The following INSC variants were observed in gnomAD, a reference collection of about 807,000 sequenced individuals.
The protein encoded by INSC is protein inscuteable homolog.
INSC carries 67 observed loss-of-function variants against 58.6 expected under a neutral mutation model. The ratio of observed to expected loss-of-function variants is 1.14; its 90% CI spans 0.94 to 1.40. The LOEUF is 1.40. Ranked by LOEUF, INSC falls within the 40% of genes most tolerant of loss-of-function variation. INSC has a pLI of 0.00. For missense variants in INSC, 714 were observed against 692.0 expected, an observed-to-expected ratio of 1.03 and a Z score of -0.36; for synonymous variants, 262 against 276.1, an observed-to-expected ratio of 0.95 and a Z score of 0.51.
chr11:15,204,754 G>C (rs545866558), intron 7 of INSC, among the ~76,000 whole-genome samples: 56 of 152,354 alleles, frequency 3.7e-4, no homozygotes, highest in African/African-American at 1.3e-3. Context: ...CAAAGTTCCA[G>C]CCTTCTCCGC....
chr11:15,207,186 G>A (rs1165378247), intron 7 of INSC, among the ~76,000 whole-genome samples: 4 of 152,154 alleles, frequency 2.6e-5, no homozygotes, highest in African/African-American at 2.4e-5. Flanking sequence ...GGAGTGGGGG[G>A]CACTCAAAGC....
intron 5 of INSC, among the ~76,000 whole-genome samples, chr11:15,179,381 C>G (rs1035429362): frequency 6.6e-6 from 1 of 152,182 alleles, no homozygotes; most frequent in Non-Finnish European, 1.5e-5. Context: ...ATTTGCCATT[C>G]TTTTCCCACC....
At chr11:15,164,724 A>T (rs747045694) in intron 2 of INSC, among the ~76,000 whole-genome samples, 2 of 151,960 alleles carry the variant, frequency 1.3e-5, no homozygotes, top group Non-Finnish European at 2.9e-5. Context: ...AGATAATATG[A>T]TATGGTTTGG....
intron 1 of INSC, among the ~76,000 whole-genome samples, chr11:15,141,995 C>G (rs79788871): frequency 0.012 from 1,833 of 152,320 alleles, 50 homozygotes; most frequent in African/African-American, 0.041. Flanking sequence ...GGCTCCCTAT[C>G]ACCAACAGGA....
chr11:15,167,062 T>C (rs1013682954), intron 2 of INSC, among the ~76,000 whole-genome samples: 4 of 152,198 alleles, frequency 2.6e-5, no homozygotes, highest in African/African-American at 9.6e-5. Flanking sequence ...TATTTTTTAT[T>C]TCACTGTGAC....
intron 2 of INSC, among the ~76,000 whole-genome samples, chr11:15,162,376 A>G (rs1222914688): frequency 2.6e-5 from 4 of 152,152 alleles, no homozygotes; most frequent in Admixed American, 2.6e-4. Flanking sequence ...AATGGTCAGT[A>G]CCCATATTTC....
At chr11:15,192,788 C>T (rs1261863143) in intron 6 of INSC, among the ~76,000 whole-genome samples, 3 of 152,090 alleles carry the variant, frequency 2.0e-5, no homozygotes, top group Non-Finnish European at 4.4e-5. Context: ...CTCTCATGTC[C>T]CCAGTTCTAA....
At chr11:15,180,426 G>GA (rs1217073087) in intron 5 of INSC, among the ~76,000 whole-genome samples, 2 of 152,136 alleles carry the variant, frequency 1.3e-5, no homozygotes, top group Non-Finnish European at 2.9e-5. Flanking sequence ...AAGAGCCTGG[G>GA]AAAATCTCCC....
intron 6 of INSC, among the ~76,000 whole-genome samples, chr11:15,197,449 G>GA (rs1434195286): frequency 6.6e-6 from 1 of 152,158 alleles, no homozygotes; most frequent in Non-Finnish European, 1.5e-5. Context: ...CAGGAGCTGG[G>GA]AGTCCCTGGC....
chr11:15,245,841 T>G, intron 12 of INSC, 71 bp from the exon 13 acceptor site: 1 of 1,545,382 alleles, frequency 6.5e-7, no homozygotes, highest in Non-Finnish European at 8.8e-7. Context: ...CATTTCAGGG[T>G]AGGTGAAGGA....
intron 1 of INSC, among the ~76,000 whole-genome samples, chr11:15,116,091 G>C (rs1448833935): frequency 6.6e-6 from 1 of 152,170 alleles, no homozygotes; most frequent in Non-Finnish European, 1.5e-5. Context: ...GCTGTCCATG[G>C]AGCTCAGCCA....
At chr11:15,135,378 C>T (rs755415339) in intron 1 of INSC, among the ~76,000 whole-genome samples, 3 of 152,190 alleles carry the variant, frequency 2.0e-5, no homozygotes, top group Non-Finnish European at 2.9e-5. Flanking sequence ...GCCCATGTAC[C>T]TTATACCCCC....
chr11:15,240,303 T>G, intron 11 of INSC, 144 bp from the exon 12 acceptor site: 3 of 668,644 alleles, frequency 4.5e-6, no homozygotes, highest in African/African-American at 1.8e-5. Flanking sequence ...ACTGAGGGAG[T>G]AGTAAGTTTC....
chr11:15,199,057 G>A (rs116323402), intron 6 of INSC, among the ~76,000 whole-genome samples: 54 of 152,208 alleles, frequency 3.5e-4, no homozygotes, highest in African/African-American at 1.2e-3. Flanking sequence ...CCAACCACAT[G>A]TCATTGCCCC....
At chr11:15,236,296 G>C (rs140720552) in intron 10 of INSC, among the ~76,000 whole-genome samples, 2 of 151,990 alleles carry the variant, frequency 1.3e-5, no homozygotes, top group Middle Eastern at 3.4e-3. Context: ...GTCTCAGGGT[G>C]GGGGGGTGGT....
chr11:15,218,556 C>A (rs1851311249), intron 7 of INSC, among the ~76,000 whole-genome samples: 1 of 152,022 alleles, frequency 6.6e-6, no homozygotes, highest in Non-Finnish European at 1.5e-5. Flanking sequence ...TATTCTCTCT[C>A]TCTCTCTATA....
At position 15,221,489 on chromosome 11, in the gene INSC, C is replaced by G; in HGVS notation, c.832C>G (p.Leu278Val). 1 of 1,610,492 alleles carries G rather than the reference C, an allele frequency of 6.2e-7. No individual in the cohort carries two copies. The highest frequency in any genetic ancestry group is 1.1e-5 in the South Asian group (1 of 90,440). The change falls in exon 8 of 13, where the codon CTG becomes GTG. Residue 278 changes from leucine to valine, a missense_variant. Physicochemically the swap from Leu to Val is conservative, Grantham distance 32. Transcript: ENST00000379556. ...TCTCCATCTGCAGGTGGATGGCGTT[C>G]TGTGCTTGGCCGACATCCTGACCGA... ...VHQLEKVDGV[L>V]CLADILTDNS...
chr11:15,146,114 C>T (rs1360235029), intron 1 of INSC, among the ~76,000 whole-genome samples: 2 of 152,216 alleles, frequency 1.3e-5, no homozygotes, highest in African/African-American at 2.4e-5. Flanking sequence ...CAGTGCCTGG[C>T]ACATAACACA....
intron 5 of INSC, among the ~76,000 whole-genome samples, chr11:15,190,226 A>T (rs1446103405): frequency 1.3e-5 from 2 of 152,182 alleles, no homozygotes; most frequent in Non-Finnish European, 2.9e-5. Context: ...ACTTCTCTTG[A>T]CTTAACCCTT....
Sources: allele counts gnomAD v4.1 joint callset (sites outside exome capture counted in the v4.1 genomes callset), GRCh38; gene constraint gnomAD v4.1.1; transcripts MANE v1.5; gene names NCBI Gene and HGNC (gene_info 2026-07-23, HGNC 2026-07-21).